Variants in TBC1D12 observed in about 807,000 individuals in gnomAD.
TBC1D12 encodes the protein TBC1 domain family, member 12.
In TBC1D12, 56 loss-of-function variants were observed where a neutral mutation model predicts 86.7. That is an observed-to-expected ratio of 0.65 (90% CI 0.52 to 0.81). The LOEUF is 0.81. TBC1D12 is among the 30% of genes least tolerant of loss of function. The pLI, the probability that TBC1D12 is intolerant of heterozygous loss-of-function variation, is 0.00. For missense variants in TBC1D12, 1,023 were observed against 1,038.8 expected (o/e 0.98, Z 0.21); for synonymous variants, 421 against 411.7 (o/e 1.02, Z -0.27).
intron 2 of TBC1D12, among the ~76,000 whole-genome samples, chr10:94,463,956 G>A (rs181476294): frequency 5.9e-5 from 9 of 151,988 alleles, no homozygotes; most frequent in East Asian, 5.8e-4. Flanking sequence ...GTTTTTTGAA[G>A]CTTTGTTTTG....
rs1385956178 is a variant in TBC1D12 at position 94,403,599 on chromosome 10, G to A, written c.971+15G>A. 7.6e-6 allele frequency: 11 copies of A among 1,443,564 alleles called. No individual in the cohort carries two copies. The highest frequency in any genetic ancestry group is 1.5e-5 in the African/African-American group (1 of 66,838). The allele number at this position is 1,443,564 out of a possible 1,614,324, so 89.4% of individuals were successfully genotyped here. ...TTCTTCACCAGGTACAGCGCAGGCT[G>A]CATGGGACTCGGGGCGGGTCCGGGG... is the stretch of plus-strand genomic sequence containing the variant. On this transcript the variant is annotated intron_variant, in intron 1 of 12. Coordinates refer to ENST00000225235, the MANE Select transcript of TBC1D12 (RefSeq NM_015188.2).
Position 94,403,318 on chromosome 10 carries a change from G to T in TBC1D12, c.705G>T (p.Gln235His), listed in dbSNP as rs1221600085. 6.6e-7 allele frequency: 1 copy of T among 1,521,162 alleles called. No homozygotes were observed. Among genetic ancestry groups the T allele is most frequent in the South Asian group, 1.2e-5 (1 of 80,260 alleles). The allele number at this position is 1,521,162 out of a possible 1,614,324, so 94.2% of individuals were successfully genotyped here. Residue 235 changes from glutamine (Q) to histidine (H), a missense_variant, in exon 1 of 13, where the codon CAG becomes CAT. By Grantham distance (24) the Gln-to-His change is conservative. Coordinates refer to ENST00000225235, the MANE Select transcript of TBC1D12 (RefSeq NM_015188.2). ...SSCSSSEDSEQRGVGAGGPEE... is the reference protein window; with the variant it reads ...SSCSSSEDSEHRGVGAGGPEE... ...GCAGCAGTAGCGAGGACTCAGAGCA[G>T]CGGGGAGTCGGCGCCGGGGGTCCCG...
At chr10:94,473,768 G>A (rs2134144432) in intron 2 of TBC1D12, among the ~76,000 whole-genome samples, 1 of 152,172 alleles carries the variant, frequency 6.6e-6, no homozygotes, top group Non-Finnish European at 1.5e-5. Context: ...TTGATCTTTG[G>A]CAAATTTCTA....
rs183905481 is a variant in TBC1D12 at position 94,524,454 on chromosome 10, T to C, written c.2000+2001T>C. Among the ~76,000 whole-genome samples the C allele has an allele frequency of 6.0e-4, 92 of 152,304 alleles. No individual in the cohort carries two copies. In the East Asian group the frequency reaches 0.016, roughly 27 times the overall value. ...CAGAACAACCACATAAGATATGTAC[T>C]GTAAACCAGGGCATGATGGCTCACG... is the stretch of plus-strand genomic sequence containing the variant. On this transcript the variant is annotated intron_variant, in intron 11 of 12. Coordinates refer to ENST00000225235, the MANE Select transcript of TBC1D12 (RefSeq NM_015188.2).
At chr10:94,506,937 T>C (rs1477391276) in intron 6 of TBC1D12, among the ~76,000 whole-genome samples, 2 of 152,162 alleles carry the variant, frequency 1.3e-5, no homozygotes, top group East Asian at 3.8e-4. Context: ...AGATAGTAAA[T>C]GGCAGAGCCA....
Position 94,535,734 on chromosome 10 carries a change from C to T in TBC1D12, c.*2638C>T, listed in dbSNP as rs1014686711. The stretch of plus-strand genomic sequence containing the variant: ...ATCTCATTCAGGTTATACTACCTGA[C>T]TAAATTTAATCATACTTTCATGTAT... On this transcript the variant is annotated 3_prime_UTR_variant, in exon 13 of 13. Coordinates refer to ENST00000225235, the MANE Select transcript of TBC1D12 (RefSeq NM_015188.2). The T allele has an allele frequency of 6.6e-6, 1 of 152,178 alleles. No homozygotes were observed. Among genetic ancestry groups the T allele is most frequent in the African/African-American group, 2.4e-5 (1 of 41,452 alleles). The allele number at this position is 152,178 out of a possible 1,614,324, so 9.4% of individuals were successfully genotyped here. A position where few individuals can be genotyped will look rare whatever the true frequency, so the allele number is the denominator to read the frequency against.
At chr10:94,426,834 G>A (rs2055153555) in intron 1 of TBC1D12, among the ~76,000 whole-genome samples, 1 of 152,084 alleles carries the variant, frequency 6.6e-6, no homozygotes, top group Non-Finnish European at 1.5e-5. Context: ...CTTCGGCCTT[G>A]CAAAGTGCTG....
intron 1 of TBC1D12, among the ~76,000 whole-genome samples, chr10:94,410,364 A>T (rs1277742996): frequency 6.6e-6 from 1 of 152,202 alleles, no homozygotes; most frequent in African/African-American, 2.4e-5. Flanking sequence ...TTAGTTCTAC[A>T]TAATTTCACA....
chr10:94,435,380 G>A (rs186946538), intron 1 of TBC1D12, among the ~76,000 whole-genome samples: 7 of 152,220 alleles, frequency 4.6e-5, no homozygotes, highest in African/African-American at 1.7e-4. Flanking sequence ...GGTTTCTTAG[G>A]TTTTGCTAAG....
chr10:94,479,070 C>T (rs1271178167), intron 3 of TBC1D12, among the ~76,000 whole-genome samples: 3 of 152,088 alleles, frequency 2.0e-5, no homozygotes, highest in East Asian at 1.9e-4. Context: ...CTTAAGGGCT[C>T]AGAGTCCAGT....
chr10:94,465,715 T>TATAC lies in TBC1D12; in HGVS notation c.1096-8936_1096-8933dup, dbSNP rs1160235539. Among the ~76,000 whole-genome samples, 79 of 113,960 alleles carry TATAC rather than the reference T, an allele frequency of 6.9e-4. 1 individual carries two copies. The highest frequency in any genetic ancestry group is 1.1e-3 in the Non-Finnish European group (56 of 51,196). 74.8% of individuals were successfully genotyped at this position (113,960 alleles called of 152,430 possible). A position where few individuals can be genotyped will look rare whatever the true frequency, so the allele number is the denominator to read the frequency against. ...GTGTGTGTACATATATACGTATACG[T>TATAC]ATACATACATACATACATACGTATA... is the stretch of plus-strand genomic sequence containing the variant. On this transcript the variant is annotated intron_variant, in intron 2 of 12. Coordinates refer to ENST00000225235, the MANE Select transcript of TBC1D12 (RefSeq NM_015188.2).
intron 4 of TBC1D12, among the ~76,000 whole-genome samples, chr10:94,495,044 G>A (rs1204449233): frequency 7.0e-6 from 1 of 143,154 alleles, no homozygotes; most frequent in South Asian, 2.3e-4. Flanking sequence ...TTTTTTTTGA[G>A]ACAAAATCTC....
intron 1 of TBC1D12, among the ~76,000 whole-genome samples, chr10:94,410,112 G>A (rs916402540): frequency 5.9e-5 from 9 of 152,136 alleles, no homozygotes; most frequent in Non-Finnish European, 1.0e-4. Context: ...CCTTATTCAT[G>A]CCTTAATACT....
At chr10:94,418,005 C>T (rs898346497) in intron 1 of TBC1D12, among the ~76,000 whole-genome samples, 1 of 152,066 alleles carries the variant, frequency 6.6e-6, no homozygotes, top group Non-Finnish European at 1.5e-5. Flanking sequence ...CCGCCCACCT[C>T]GGTCTCCCAA....
intron 9 of TBC1D12, among the ~76,000 whole-genome samples, chr10:94,515,599 T>C (rs2056582434): frequency 6.6e-6 from 1 of 152,074 alleles, no homozygotes; most frequent in Admixed American, 6.5e-5. Flanking sequence ...TCCACCCGCC[T>C]CGGCCTCCCA....
chr10:94,495,925 ATC>A (rs573246619), intron 4 of TBC1D12, among the ~76,000 whole-genome samples: 157 of 152,178 alleles, frequency 1.0e-3, no homozygotes, highest in African/African-American at 3.7e-3. Context: ...AGCATGGTGA[ATC>A]TCTGTCTCTA....
At chr10:94,419,344 G>T (rs184774358) in intron 1 of TBC1D12, among the ~76,000 whole-genome samples, 1 of 151,822 alleles carries the variant, frequency 6.6e-6, no homozygotes, top group South Asian at 2.1e-4. Context: ...GTTTATCATC[G>T]TGAAGTTTTT....
At chr10:94,487,478 TA>T (rs1051487108) in intron 3 of TBC1D12, among the ~76,000 whole-genome samples, 2 of 151,982 alleles carry the variant, frequency 1.3e-5, no homozygotes, top group East Asian at 1.9e-4. Context: ...TGTGTTGTCA[TA>T]TTTTTTTTAT....
chr10:94,518,298 C>T (rs1284566301), intron 9 of TBC1D12, among the ~76,000 whole-genome samples: 5 of 151,928 alleles, frequency 3.3e-5, no homozygotes, highest in African/African-American at 1.2e-4. Flanking sequence ...ACTGCAACCT[C>T]CGCCCTCTGG....
Sources: allele counts gnomAD v4.1 joint callset (sites outside exome capture counted in the v4.1 genomes callset), GRCh38; gene constraint gnomAD v4.1.1; transcripts MANE v1.5; gene names NCBI Gene and HGNC (gene_info 2026-07-23, HGNC 2026-07-21).